Variants in ROBO1 observed in about 807,000 individuals in gnomAD.
ROBO1 encodes the protein roundabout homolog 1.
In ROBO1, 149 loss-of-function variants were observed where a neutral mutation model predicts 195.9. That is an observed-to-expected ratio of 0.76 (90% CI 0.67 to 0.87). The LOEUF is 0.87. Among genes scored for constraint, ROBO1 ranks in the 40% least tolerant of loss-of-function variants. The pLI is 0.00. For missense variants in ROBO1, 1,933 were observed against 2,068.3 expected (o/e 0.93, Z 1.27); for synonymous variants, 816 against 733.2 (o/e 1.11, Z -1.82).
At chr3:78,785,419 T>C (rs908377069) in intron 4 of ROBO1, among the ~76,000 whole-genome samples, 2 of 152,180 alleles carry the variant, frequency 1.3e-5, no homozygotes, top group Non-Finnish European at 2.9e-5. Context: ...AAAATCGCTA[T>C]CATTTATTAT....
chr3:79,763,381 G>T (rs1439987402), intron 1 of ROBO1, among the ~76,000 whole-genome samples: 1 of 152,112 alleles, frequency 6.6e-6, no homozygotes, highest in African/African-American at 2.4e-5. Context: ...CCTGAATAAA[G>T]ACCAAATTAG....
At chr3:78,945,048 A>G (rs967849234) in intron 3 of ROBO1, among the ~76,000 whole-genome samples, 11 of 152,226 alleles carry the variant, frequency 7.2e-5, no homozygotes, top group Admixed American at 6.5e-4. Context: ...AGCCCACCAC[A>G]GCTCAAGGAG....
intron 1 of ROBO1, among the ~76,000 whole-genome samples, chr3:79,676,745 G>A (rs187571230): frequency 1.3e-5 from 2 of 151,934 alleles, no homozygotes; most frequent in Non-Finnish European, 2.9e-5. Flanking sequence ...ACATTTTATT[G>A]TTTAGAAGCA....
chr3:78,952,714 C>T lies in ROBO1; in HGVS notation c.173-13787G>A, dbSNP rs558362932. ...CACACTCTACAAAAAAAGCTAAGTACTTTCACCCAAAATTATACATAGTAC... is the reference window on the plus strand; with the variant it reads ...CACACTCTACAAAAAAAGCTAAGTATTTTCACCCAAAATTATACATAGTAC... On this transcript the variant is annotated intron_variant, in intron 3 of 30. Coordinates refer to ENST00000464233, the MANE Select transcript of ROBO1 (RefSeq NM_002941.4). Among the ~76,000 whole-genome samples the T allele has an allele frequency of 1.1e-4, 17 of 152,078 alleles. No homozygotes were observed. In the South Asian group the frequency reaches 2.5e-3, roughly 22 times the overall value.
chr3:79,190,874 T>A (rs1180383612), intron 2 of ROBO1, among the ~76,000 whole-genome samples: 1 of 151,568 alleles, frequency 6.6e-6, no homozygotes, highest in Non-Finnish European at 1.5e-5. Context: ...AAGGAATGAA[T>A]GCAAAAAAAT....
At chr3:79,157,181 G>C (rs2080874095) in intron 2 of ROBO1, among the ~76,000 whole-genome samples, 1 of 151,624 alleles carries the variant, frequency 6.6e-6, no homozygotes, top group Admixed American at 6.6e-5. Context: ...TAGTCCTCTG[G>C]GGAAATGTTT....
rs75505425 is a variant in ROBO1 at position 79,365,221 on chromosome 3, C to T, written c.88+224603G>A. Reference sequence around the variant, plus strand: ...TCTAATGGCCACAGCCACCCTTCACCAGCATTTTTTATATCTCTGTGCCAT... The same window carrying T: ...TCTAATGGCCACAGCCACCCTTCACTAGCATTTTTTATATCTCTGTGCCAT... On this transcript the variant is annotated intron_variant, in intron 2 of 30. Transcript: ENST00000464233. Among the ~76,000 whole-genome samples, 951 of 152,234 alleles carry T rather than the reference C, an allele frequency of 6.2e-3. 9 individuals are homozygous for T. Among genetic ancestry groups the T allele is most frequent in the African/African-American group, 0.021 (886 of 41,536 alleles).
chr3:79,613,905 C>G (rs1020883158), intron 1 of ROBO1, among the ~76,000 whole-genome samples: 9 of 152,026 alleles, frequency 5.9e-5, no homozygotes, highest in Middle Eastern at 3.4e-3. Context: ...AAAGCCAACT[C>G]AGAACATTAC....
intron 2 of ROBO1, among the ~76,000 whole-genome samples, chr3:79,459,863 G>A (rs6770755): frequency 0.59 from 89,097 of 151,900 alleles, 26,333 homozygotes; most frequent in African/African-American, 0.63. Flanking sequence ...CAAAGCAAAT[G>A]TTGGTGAATT....
chr3:79,705,069 T>C (rs951468117), intron 1 of ROBO1, among the ~76,000 whole-genome samples: 3 of 152,016 alleles, frequency 2.0e-5, no homozygotes, highest in Admixed American at 6.6e-5. Context: ...GTTCTTTATA[T>C]ATTTAAGACA....
chr3:79,314,947 G>T (rs373253337), intron 2 of ROBO1, among the ~76,000 whole-genome samples: 1 of 152,208 alleles, frequency 6.6e-6, no homozygotes, highest in African/African-American at 2.4e-5. Context: ...AATAGAGTTG[G>T]AGAGTGCAGT....
At chr3:79,471,691 T>A (rs1938279866) in intron 2 of ROBO1, among the ~76,000 whole-genome samples, 1 of 152,128 alleles carries the variant, frequency 6.6e-6, no homozygotes, top group Non-Finnish European at 1.5e-5. Flanking sequence ...CTTAAAAATA[T>A]CCATCAATGA....
intron 4 of ROBO1, among the ~76,000 whole-genome samples, chr3:78,901,480 C>T (rs2037584191): frequency 6.6e-6 from 1 of 152,120 alleles, no homozygotes; most frequent in African/African-American, 2.4e-5. Flanking sequence ...GAGCAATGTA[C>T]AATATTAAAA....
intron 3 of ROBO1, among the ~76,000 whole-genome samples, chr3:78,945,709 T>A (rs2040396985): frequency 6.6e-6 from 1 of 152,024 alleles, no homozygotes. Context: ...CTTCAGACGA[T>A]CAAACTACTC....
Position 78,636,077 on chromosome 3 carries a change from C to T in ROBO1, c.3069G>A (p.Leu1023=). ...GCATCAGATTTGTTTGTTTGTTATCCAGTTGGTTGTTATAATTTGCTATAC... is the reference window on the plus strand; with the variant it reads ...GCATCAGATTTGTTTGTTTGTTATCTAGTTGGTTGTTATAATTTGCTATAC... ...ADCIANYNNQ[L]DNKQTNLMLP... Residue 1023 remains leucine (L), a synonymous_variant, in exon 23 of 31, where the codon CTG becomes CTA. Coordinates refer to ENST00000464233, the MANE Select transcript of ROBO1 (RefSeq NM_002941.4). 6.2e-7 allele frequency: 1 copy of T among 1,612,426 alleles called. No homozygotes were observed. Among genetic ancestry groups the T allele is most frequent in the Non-Finnish European group, 8.5e-7 (1 of 1,178,826 alleles).
chr3:79,359,582 A>G (rs913806577), intron 2 of ROBO1, among the ~76,000 whole-genome samples: 5 of 152,010 alleles, frequency 3.3e-5, no homozygotes, highest in African/African-American at 1.2e-4. Flanking sequence ...ATGATAGGTT[A>G]TATTTTCTGT....
intron 1 of ROBO1, among the ~76,000 whole-genome samples, chr3:79,689,917 A>T (rs1947249966): frequency 6.6e-6 from 1 of 152,026 alleles, no homozygotes; most frequent in Non-Finnish European, 1.5e-5. Flanking sequence ...AGGACAGTGT[A>T]TAAGTTAAAA....
chr3:79,205,159 A>AT (rs1408894337), intron 2 of ROBO1, among the ~76,000 whole-genome samples: 2 of 151,656 alleles, frequency 1.3e-5, no homozygotes, highest in African/African-American at 2.4e-5. Flanking sequence ...TATCCGGTTA[A>AT]TTTTTTCTAT....
intron 2 of ROBO1, among the ~76,000 whole-genome samples, chr3:79,418,447 A>G (rs2038095903): frequency 6.6e-6 from 1 of 151,998 alleles, no homozygotes; most frequent in South Asian, 2.1e-4. Flanking sequence ...TGTGTCCCTA[A>G]TGCCATGATC....
Sources: gnomAD v4.1 joint callset for allele counts (sites outside exome capture counted in the v4.1 genomes callset) on GRCh38, gnomAD v4.1.1 for gene constraint, MANE v1.5 for transcripts, NCBI Gene and HGNC (gene_info 2026-07-23, HGNC 2026-07-21) for gene names.